The following LHFPL2 variants were observed in gnomAD, a reference collection of about 807,000 sequenced individuals.
The protein encoded by LHFPL2 is LHFPL tetraspan subfamily member 2 protein.
In LHFPL2, 7 loss-of-function variants were observed where a neutral mutation model predicts 17.5. That is an observed-to-expected ratio of 0.40 (90% confidence interval 0.23 to 0.75). LHFPL2 has a LOEUF of 0.75. LHFPL2 is among the 30% of genes least tolerant of loss of function. LHFPL2 has a pLI of 0.37. For synonymous variants in LHFPL2, 134 were observed against 116.2 expected (o/e 1.15, Z -0.99); for missense variants, 241 against 294.8 (o/e 0.82, Z 1.34).
chr5:78,630,706 A>G (rs1745212765), intron 2 of LHFPL2, among the ~76,000 whole-genome samples: 1 of 152,212 alleles, frequency 6.6e-6, no homozygotes, highest in Non-Finnish European at 1.5e-5. Context: ...TAGGTTGTGG[A>G]AAGCACACAC....
chr5:78,515,243 A>G lies in LHFPL2; in HGVS notation c.-185-4845T>C, dbSNP rs1258177154. ...TTTGATTAGGTTCTTTTAGTCAAGA[A>G]TAGTCTTCCCACCCAACCTATTCCA... On this transcript the variant is annotated intron_variant, in intron 3 of 4. Coordinates refer to ENST00000380345, the MANE Select transcript of LHFPL2 (RefSeq NM_005779.3). Among the ~76,000 whole-genome samples, 5 of 63,586 alleles carry G rather than the reference A, an allele frequency of 7.9e-5. No homozygotes were observed. In the East Asian group the frequency reaches 2.5e-3, roughly 32 times the overall value. The allele number at this position is 63,586 out of a possible 152,430, so 41.7% of individuals were successfully genotyped here.
At chr5:78,514,082 A>T (rs114758176) in intron 3 of LHFPL2, among the ~76,000 whole-genome samples, 2,405 of 152,282 alleles carry the variant, frequency 0.016, 56 homozygotes, top group African/African-American at 0.055. Flanking sequence ...ACAGAACCTT[A>T]TTAACCACAG....
intron 1 of LHFPL2, among the ~76,000 whole-genome samples, chr5:78,639,315 T>C (rs1185999145): frequency 6.6e-6 from 1 of 152,140 alleles, no homozygotes. Context: ...TACAATACAC[T>C]TAAGCACAAG....
intron 3 of LHFPL2, among the ~76,000 whole-genome samples, chr5:78,563,125 T>C (rs963992629): frequency 1.3e-5 from 2 of 152,168 alleles, no homozygotes; most frequent in Non-Finnish European, 1.5e-5. Flanking sequence ...AATGAGAATA[T>C]CTACAGTTGT....
intron 4 of LHFPL2, among the ~76,000 whole-genome samples, chr5:78,503,883 C>G (rs760215637): frequency 1.3e-5 from 2 of 152,060 alleles, no homozygotes; most frequent in Non-Finnish European, 2.9e-5. Flanking sequence ...AATGATGACT[C>G]TCTAATACAG....
At chr5:78,561,192 A>G (rs1756716085) in intron 3 of LHFPL2, among the ~76,000 whole-genome samples, 1 of 152,236 alleles carries the variant, frequency 6.6e-6, no homozygotes, top group Admixed American at 6.5e-5. Flanking sequence ...CAGTAGAAAA[A>G]GTAGAATCAC....
At position 78,485,261 on chromosome 5, in the gene LHFPL2, G is replaced by A. The variant is rs896237570; in HGVS notation, c.*3636C>T. The A allele has an allele frequency of 2.0e-5, 3 of 152,090 alleles. No individual in the cohort carries two copies. The highest frequency in any genetic ancestry group is 4.8e-5 in the African/African-American group (2 of 41,376). 9.4% of individuals were successfully genotyped at this position (152,090 alleles called of 1,614,324 possible). A position where few individuals can be genotyped will look rare whatever the true frequency, so the allele number is the denominator to read the frequency against. On this transcript the variant is annotated 3_prime_UTR_variant, in exon 5 of 5. Transcript: ENST00000380345. ...GCAAAATCTGGTTTAATTAAGATCT[G>A]GGGAGGGGAGCACATAGTGAAAATA...
intron 2 of LHFPL2, among the ~76,000 whole-genome samples, chr5:78,579,381 G>T (rs1742994636): frequency 6.6e-6 from 1 of 151,858 alleles, no homozygotes; most frequent in Non-Finnish European, 1.5e-5. Context: ...TAGGGTACAT[G>T]TGCACAATGT....
At chr5:78,565,486 G>A (rs1580812015) in intron 2 of LHFPL2, among the ~76,000 whole-genome samples, 1 of 152,222 alleles carries the variant, frequency 6.6e-6, no homozygotes, top group East Asian at 1.9e-4. Flanking sequence ...AGTCTTTAGG[G>A]AACCTTTAGA....
At chr5:78,541,773 T>G (rs979952724) in intron 3 of LHFPL2, among the ~76,000 whole-genome samples, 3 of 152,190 alleles carry the variant, frequency 2.0e-5, no homozygotes, top group African/African-American at 7.2e-5. Context: ...AAGAGAACTT[T>G]CAGTTCAGAC....
intron 2 of LHFPL2, among the ~76,000 whole-genome samples, chr5:78,605,107 C>T (rs1343615441): frequency 6.6e-6 from 1 of 152,130 alleles, no homozygotes; most frequent in Non-Finnish European, 1.5e-5. Flanking sequence ...AAAGGCTGTC[C>T]AGCCCCACTG....
chr5:78,628,676 C>G (rs538359127), intron 2 of LHFPL2, among the ~76,000 whole-genome samples: 5 of 152,206 alleles, frequency 3.3e-5, no homozygotes, highest in Non-Finnish European at 7.3e-5. Context: ...GCTGGTCACC[C>G]CCATAAAATG....
At chr5:78,492,673 G>A (rs1754483350) in intron 4 of LHFPL2, among the ~76,000 whole-genome samples, 1 of 152,162 alleles carries the variant, frequency 6.6e-6, no homozygotes, top group South Asian at 2.1e-4. Flanking sequence ...AGTAAAGCAG[G>A]GAGACTCTTG....
At chr5:78,540,874 G>T (rs1427605596) in intron 3 of LHFPL2, among the ~76,000 whole-genome samples, 1 of 152,100 alleles carries the variant, frequency 6.6e-6, no homozygotes, top group Non-Finnish European at 1.5e-5. Context: ...GGACACGGGG[G>T]GTTTTCATCC....
intron 2 of LHFPL2, among the ~76,000 whole-genome samples, chr5:78,609,450 C>CAAAAAAAAA (rs71613975): frequency 3.9e-4 from 16 of 40,678 alleles, no homozygotes; most frequent in South Asian, 1.6e-3. Flanking sequence ...GACTCAGTCT[C>CAAAAAAAAA]AAAAAAAAAA....
Position 78,602,303 on chromosome 5 carries a change from A to G in LHFPL2, c.-245+29961T>C, listed in dbSNP as rs61188386. On this transcript the variant is annotated intron_variant, in intron 2 of 4. Transcript: ENST00000380345. ...TTGTAAAATAGAAAGATTTCTGTTA[A>G]TGTCACAGAAACATGAAAGATGCAG... is the stretch of plus-strand genomic sequence containing the variant. 8.3e-3 allele frequency among the ~76,000 whole-genome samples: 1,270 copies of G among 152,338 alleles called. 15 individuals carry two copies. Among genetic ancestry groups the G allele is most frequent in the African/African-American group, 0.027 (1,133 of 41,578 alleles).
intron 2 of LHFPL2, among the ~76,000 whole-genome samples, chr5:78,615,236 G>A (rs1345050309): frequency 5.3e-5 from 8 of 152,054 alleles, no homozygotes; most frequent in African/African-American, 1.7e-4. Context: ...CGGGAGAAGC[G>A]AGAGTCCTGT....
intron 2 of LHFPL2, among the ~76,000 whole-genome samples, chr5:78,604,530 T>C (rs148868506): frequency 1.4e-3 from 212 of 152,236 alleles, no homozygotes; most frequent in African/African-American, 4.9e-3. Flanking sequence ...TAAATGAGAA[T>C]TCAATCTGCT....
In LHFPL2 at chr5:78,510,097, C is replaced by T. The variant is rs774565650; in HGVS notation, c.117G>A (p.Arg39=). The T allele has an allele frequency of 1.6e-4, 257 of 1,612,756 alleles. No homozygotes were observed. Among genetic ancestry groups the T allele is most frequent in the Non-Finnish European group, 2.0e-4 (241 of 1,179,452 alleles). Residue 39 remains arginine, a synonymous_variant, in exon 4 of 5, where the codon AGG becomes AGA. Transcript: ENST00000380345. ...MSADWLIGKA[R]SRGGVEPAGP... is the part of the protein sequence containing the mutation. ...CCGCCGGCTCCACGCCGCCGCGGCT[C>T]CTCGCTTTCCCGATCAGCCAGTCTG...
Sources: allele counts gnomAD v4.1 joint callset (sites outside exome capture counted in the v4.1 genomes callset), GRCh38; gene constraint gnomAD v4.1.1; transcripts MANE v1.5; gene names NCBI Gene and HGNC (gene_info 2026-07-23, HGNC 2026-07-21).